The following CSMD1 variants were observed in gnomAD, a reference collection of about 807,000 sequenced individuals.
The protein encoded by CSMD1 is CUB and Sushi multiple domains 1, also known as CUB and sushi domain-containing protein 1.
In CSMD1, 213 loss-of-function variants were observed where a neutral mutation model predicts 417.5. The ratio of observed to expected loss-of-function variants is 0.51; its 90% CI spans 0.46 to 0.57. The LOEUF is 0.57. Ranked by LOEUF, CSMD1 falls within the 20% of genes least tolerant of loss-of-function variation. CSMD1 has a pLI of 0.00. For synonymous variants in CSMD1, 2,862 were observed against 1,736.8 expected, an observed-to-expected ratio of 1.65 and a Z score of -16.11; for missense variants, 6,923 against 4,529.7, an observed-to-expected ratio of 1.53 and a Z score of -15.17.
chr8:4,071,969 G>T (rs1006271167), intron 3 of CSMD1, among the ~76,000 whole-genome samples: 5 of 152,292 alleles, frequency 3.3e-5, no homozygotes, highest in African/African-American at 1.2e-4. Context: ...CCAGTCTAGA[G>T]CTCTCCTTTC....
chr8:3,620,657 G>C (rs1318740028), intron 7 of CSMD1, among the ~76,000 whole-genome samples: 2 of 151,932 alleles, frequency 1.3e-5, no homozygotes, highest in East Asian at 1.9e-4. Flanking sequence ...AGTATCTATA[G>C]AATATGTAAA....
At chr8:3,283,292 T>G (rs1395261344) in intron 26 of CSMD1, among the ~76,000 whole-genome samples, 1 of 152,078 alleles carries the variant, frequency 6.6e-6, no homozygotes. Flanking sequence ...ATAAAGAAAG[T>G]GTCAGACTGG....
chr8:3,236,048 G>T (rs749118949), intron 26 of CSMD1, among the ~76,000 whole-genome samples: 11 of 150,548 alleles, frequency 7.3e-5, no homozygotes, highest in Non-Finnish European at 8.8e-5. Context: ...CTCCGGAGTA[G>T]CTGGGACTAC....
intron 3 of CSMD1, among the ~76,000 whole-genome samples, chr8:4,362,477 T>C (rs978929433): frequency 2.6e-5 from 4 of 152,194 alleles, no homozygotes; most frequent in Non-Finnish European, 4.4e-5. Context: ...GATTACGGCT[T>C]TCTTCAGAGA....
chr8:3,245,940 T>C (rs983177458), intron 26 of CSMD1, among the ~76,000 whole-genome samples: 1 of 152,162 alleles, frequency 6.6e-6, no homozygotes, highest in African/African-American at 2.4e-5. Flanking sequence ...TCAACAATAA[T>C]AGTGTTTTTA....
Position 4,882,085 on chromosome 8 carries a change from G to A in CSMD1, c.85+112247C>T, listed in dbSNP as rs1005528067. 1.6e-4 allele frequency among the ~76,000 whole-genome samples: 24 copies of A among 151,950 alleles called. 1 individual carries two copies. Among genetic ancestry groups the A allele is most frequent in the African/African-American group, 5.6e-4 (23 of 41,286 alleles). Reference sequence around the variant, plus strand: ...CTTATTTAGAAAGTACGAATAATAAGCCCTCATTTAACCACAGTATTTTGT... The same window carrying A: ...CTTATTTAGAAAGTACGAATAATAAACCCTCATTTAACCACAGTATTTTGT... On this transcript the variant is annotated intron_variant, in intron 1 of 69. Coordinates refer to ENST00000635120, the MANE Select transcript of CSMD1 (RefSeq NM_033225.6).
intron 1 of CSMD1, among the ~76,000 whole-genome samples, chr8:4,792,473 T>C (rs4401881): frequency 0.48 from 72,576 of 152,006 alleles, 17,524 homozygotes; most frequent in Admixed American, 0.57. Flanking sequence ...TTCTGAATAT[T>C]CTTCATTTTC....
At chr8:3,384,510 G>A (rs1435602488) in intron 18 of CSMD1, among the ~76,000 whole-genome samples, 1 of 150,844 alleles carries the variant, frequency 6.6e-6, no homozygotes, top group East Asian at 1.9e-4. Context: ...TTTATCATTA[G>A]TTTTTCATAT....
chr8:4,855,874 G>A (rs1458927329), intron 1 of CSMD1, among the ~76,000 whole-genome samples: 2 of 150,484 alleles, frequency 1.3e-5, no homozygotes, highest in South Asian at 2.1e-4. Context: ...CCCCAATCTA[G>A]CAAGGCAGGC....
intron 3 of CSMD1, among the ~76,000 whole-genome samples, chr8:4,289,038 A>G (rs552829563): frequency 6.6e-6 from 1 of 152,232 alleles, no homozygotes; most frequent in Non-Finnish European, 1.5e-5. Context: ...AATGACTGTC[A>G]TAATGAGCAT....
intron 3 of CSMD1, among the ~76,000 whole-genome samples, chr8:4,275,769 A>C (rs1220695200): frequency 6.6e-6 from 1 of 152,234 alleles, no homozygotes; most frequent in Non-Finnish European, 1.5e-5. Context: ...TTAGTCACAG[A>C]ATAAAAACTC....
chr8:3,306,573 T>C (rs1383797807), intron 25 of CSMD1, among the ~76,000 whole-genome samples: 1 of 152,150 alleles, frequency 6.6e-6, no homozygotes, highest in Non-Finnish European at 1.5e-5. Context: ...TGATGGAGTG[T>C]AGACGCCTGG....
intron 5 of CSMD1, among the ~76,000 whole-genome samples, chr8:3,843,421 GT>G (rs1370903128): frequency 6.6e-6 from 1 of 152,046 alleles, no homozygotes; most frequent in Non-Finnish European, 1.5e-5. Context: ...GTCAAAGTTG[GT>G]TTCAGAGTAA....
chr8:4,858,935 CA>C (rs1801967453), intron 1 of CSMD1, among the ~76,000 whole-genome samples: 3 of 150,720 alleles, frequency 2.0e-5, no homozygotes, highest in Admixed American at 6.6e-5. Flanking sequence ...CATATGGAAC[CA>C]AAAAAGAGCC....
chr8:3,077,095 C>A (rs762127992), intron 49 of CSMD1, among the ~76,000 whole-genome samples: 4 of 152,232 alleles, frequency 2.6e-5, no homozygotes, highest in East Asian at 1.9e-4. Context: ...TCATTAGGTG[C>A]CTGCACGTCT....
intron 2 of CSMD1, among the ~76,000 whole-genome samples, chr8:4,475,429 T>A (rs958118124): frequency 6.6e-6 from 1 of 152,126 alleles, no homozygotes; most frequent in Non-Finnish European, 1.5e-5. Context: ...TTTTTTAATA[T>A]TCACCTGTGG....
rs920545233 is a variant in CSMD1 at position 3,308,626 on chromosome 8, G to C, written c.3632-123C>G. 4 of 690,382 alleles carry C rather than the reference G, an allele frequency of 5.8e-6. No homozygotes were observed. In the African/African-American group the frequency reaches 7.2e-5, roughly 12 times the overall value. The allele number at this position is 690,382 out of a possible 1,614,324, so 42.8% of individuals were successfully genotyped here. On this transcript the variant is annotated intron_variant, in intron 23 of 69. Coordinates refer to ENST00000635120, the MANE Select transcript of CSMD1 (RefSeq NM_033225.6). ...GGGTAGGGAGAAAAAAGGAGATTGT[G>C]AATTTACAAAGGGGAAAAGAAAGAT...
intron 3 of CSMD1, among the ~76,000 whole-genome samples, chr8:4,115,733 G>A (rs981051415): frequency 6.6e-6 from 1 of 151,988 alleles, no homozygotes; most frequent in Admixed American, 6.5e-5. Context: ...TCCTGACAAT[G>A]GACTGTCAAT....
intron 5 of CSMD1, among the ~76,000 whole-genome samples, chr8:3,972,837 C>G (rs1412806942): frequency 6.6e-6 from 1 of 152,088 alleles, no homozygotes; most frequent in Non-Finnish European, 1.5e-5. Context: ...ATATCTTTGA[C>G]ATTTACCTCA....
Sources: gnomAD v4.1 joint callset for allele counts (sites outside exome capture counted in the v4.1 genomes callset) on GRCh38, gnomAD v4.1.1 for gene constraint, MANE v1.5 for transcripts, NCBI Gene and HGNC (gene_info 2026-07-23, HGNC 2026-07-21) for gene names.